CLYBL: variants seen among roughly 807,000 people sequenced by gnomAD.
CLYBL encodes citramalyl-CoA lyase, also known as citramalyl-CoA lyase, mitochondrial.
Under a neutral mutation model 38.9 loss-of-function variants are expected in CLYBL, and 31 were observed. That is an observed-to-expected ratio of 0.80 (90% CI 0.60 to 1.08). CLYBL has a LOEUF of 1.08. CLYBL is among the 50% of genes least tolerant of loss of function. The pLI, the probability that CLYBL is intolerant of heterozygous loss-of-function variation, is 0.00. For missense variants in CLYBL, 434 were observed against 411.6 expected (o/e 1.05, Z -0.47); for synonymous variants, 171 against 158.6 (o/e 1.08, Z -0.59).
At chr13:99,778,778 C>T (rs1356190138) in intron 2 of CLYBL, among the ~76,000 whole-genome samples, 1 of 152,096 alleles carries the variant, frequency 6.6e-6, no homozygotes, top group Non-Finnish European at 1.5e-5. Context: ...AGTAATGCAC[C>T]GATTTCTGAT....
chr13:99,627,669 T>G (rs1409360596), intron 1 of CLYBL, among the ~76,000 whole-genome samples: 3 of 152,244 alleles, frequency 2.0e-5, no homozygotes, highest in Non-Finnish European at 4.4e-5. Flanking sequence ...AAAAGTTAAT[T>G]TGCTTTTTCT....
chr13:99,657,219 A>G (rs1424021396), intron 1 of CLYBL, among the ~76,000 whole-genome samples: 2 of 152,232 alleles, frequency 1.3e-5, no homozygotes, highest in African/African-American at 4.8e-5. Context: ...CTGCAGAAAA[A>G]TAAAAACATG....
In CLYBL at chr13:99,865,558, C is replaced by G. The variant is rs1383521843; in HGVS notation, c.634+647C>G. On this transcript the variant is annotated intron_variant, in intron 5 of 8. Coordinates refer to ENST00000339105, the MANE Select transcript of CLYBL (RefSeq NM_206808.5). This position sits in a 1 kb window ranked among gnomAD's most constrained non-coding sequence, Gnocchi z 4.7. ...AGCCCCAGTGACCTGAAGACAGGCA[C>G]TTTCCCTAGGCAGGGAGTGGCATGT... Among the ~76,000 whole-genome samples the G allele has an allele frequency of 6.6e-6, 1 of 152,208 alleles. No individual in the cohort carries two copies. Among genetic ancestry groups the G allele is most frequent in the Admixed American group, 6.5e-5 (1 of 15,280 alleles).
chr13:99,655,403 T>A (rs567796492), intron 1 of CLYBL, among the ~76,000 whole-genome samples: 12 of 152,266 alleles, frequency 7.9e-5, no homozygotes, highest in Non-Finnish European at 1.8e-4. Context: ...ACTGGCAAGA[T>A]GATGTATGCT....
chr13:99,637,315 C>T (rs1465551744), intron 1 of CLYBL, among the ~76,000 whole-genome samples: 2 of 152,186 alleles, frequency 1.3e-5, no homozygotes, highest in Non-Finnish European at 2.9e-5. Flanking sequence ...GTTGAAAATT[C>T]TCCATGAAAA....
intron 7 of CLYBL, among the ~76,000 whole-genome samples, chr13:99,879,904 G>T (rs987120955): frequency 6.6e-6 from 1 of 152,000 alleles, no homozygotes; most frequent in African/African-American, 2.4e-5. Flanking sequence ...CATGGGGCTG[G>T]TAATAATAAC....
chr13:99,644,700 C>G (rs2047151218), intron 1 of CLYBL, among the ~76,000 whole-genome samples: 1 of 152,154 alleles, frequency 6.6e-6, no homozygotes. Flanking sequence ...AACCAATATT[C>G]TAGTCTCTGT....
At chr13:99,630,482 T>C (rs1219199771) in intron 1 of CLYBL, among the ~76,000 whole-genome samples, 1 of 152,142 alleles carries the variant, frequency 6.6e-6, no homozygotes, top group Admixed American at 6.5e-5. Flanking sequence ...AGTGGAGAAG[T>C]TGGGGGCAGG....
At chr13:99,862,903 T>G (rs1594230170) in intron 3 of CLYBL, 88 bp from the exon 4 acceptor site, 1 of 406,908 alleles carries the variant, frequency 2.5e-6, no homozygotes. Context: ...CTTCCTCAGG[T>G]CAAAGACTTA....
intron 1 of CLYBL, among the ~76,000 whole-genome samples, chr13:99,655,932 C>T (rs1263579355): frequency 1.3e-5 from 2 of 152,116 alleles, no homozygotes; most frequent in African/African-American, 4.8e-5. Flanking sequence ...GGCGGCAGGG[C>T]GCACTTTTCA....
chr13:99,833,683 C>CTTTTTTTTTT, intron 2 of CLYBL, among the ~76,000 whole-genome samples: 1 of 56,114 alleles, frequency 1.8e-5, no homozygotes, highest in Non-Finnish European at 3.0e-5. Flanking sequence ...TACCGTGTTG[C>CTTTTTTTTTT]TTTTTTTTTT....
At chr13:99,631,691 C>T (rs1021538226) in intron 1 of CLYBL, among the ~76,000 whole-genome samples, 10 of 151,928 alleles carry the variant, frequency 6.6e-5, no homozygotes, top group African/African-American at 7.3e-5. Context: ...CTCCACCTCC[C>T]GGGTTCAAGC....
intron 2 of CLYBL, among the ~76,000 whole-genome samples, chr13:99,854,101 G>T (rs1016614754): frequency 6.6e-6 from 1 of 152,100 alleles, no homozygotes; most frequent in Non-Finnish European, 1.5e-5. Context: ...AAATGTTGTG[G>T]ATCTCCCTGG....
intron 1 of CLYBL, among the ~76,000 whole-genome samples, chr13:99,705,065 G>C (rs2048125638): frequency 1.3e-5 from 2 of 152,174 alleles, no homozygotes; most frequent in Admixed American, 1.3e-4. Flanking sequence ...CTATGATCCA[G>C]CAATTTTACT....
At chr13:99,618,032 T>C (rs570408898) in intron 1 of CLYBL, among the ~76,000 whole-genome samples, 10 of 152,202 alleles carry the variant, frequency 6.6e-5, no homozygotes, top group Non-Finnish European at 1.2e-4. Flanking sequence ...TATCACATGC[T>C]TATTTGTTTA....
At chr13:99,756,977 A>G (rs1392211747) in intron 1 of CLYBL, among the ~76,000 whole-genome samples, 6 of 152,106 alleles carry the variant, frequency 3.9e-5, no homozygotes, top group Non-Finnish European at 1.5e-5. Flanking sequence ...GGCCCACTGC[A>G]GCCTTGACCC....
chr13:99,753,886 C>T (rs1335436442), intron 1 of CLYBL, among the ~76,000 whole-genome samples: 16 of 151,264 alleles, frequency 1.1e-4, no homozygotes, highest in African/African-American at 4.9e-5. Context: ...GTCAGGAGTT[C>T]GAGACCAGCC....
At chr13:99,747,031 GA>G (rs1216993292) in intron 1 of CLYBL, among the ~76,000 whole-genome samples, 1 of 151,800 alleles carries the variant, frequency 6.6e-6, no homozygotes, top group Non-Finnish European at 1.5e-5. Flanking sequence ...GTCACGGCAG[GA>G]AAAAAAATCC....
chr13:99,680,728 T>C (rs1252296748), intron 1 of CLYBL, among the ~76,000 whole-genome samples: 1 of 152,194 alleles, frequency 6.6e-6, no homozygotes, highest in Non-Finnish European at 1.5e-5. Flanking sequence ...ATACCTATGC[T>C]CCATATTTAG....
Sources: gnomAD v4.1 joint callset for allele counts (sites outside exome capture counted in the v4.1 genomes callset) on GRCh38, gnomAD v4.1.1 for gene constraint, Gnocchi (gnomAD v3.1) non-coding constraint, MANE v1.5 for transcripts, NCBI Gene and HGNC (gene_info 2026-07-23, HGNC 2026-07-21) for gene names.